Variants in FRAS1 observed in about 807,000 individuals in gnomAD.
FRAS1 encodes Fraser extracellular matrix complex subunit 1, also known as extracellular matrix organizing protein FRAS1.
In FRAS1, 290 loss-of-function variants were observed where a neutral mutation model predicts 435.2. That is an observed-to-expected ratio of 0.67 (90% CI 0.61 to 0.73). FRAS1 has a LOEUF of 0.73. FRAS1 is among the 30% of genes least tolerant of loss of function. FRAS1 has a pLI of 0.00. For missense variants in FRAS1, 4,860 were observed against 5,001.5 expected (o/e 0.97, Z 0.85); for synonymous variants, 1,800 against 1,851.0 (o/e 0.97, Z 0.71).
chr4:78,096,743 G>T lies in FRAS1; in HGVS notation c.108+30727G>T, dbSNP rs116481313. ...CAAATCCCTACACTCCACACAGCAA[G>T]TGGACCCTGGGCCTGGCCCACGAAA... On this transcript the variant is annotated intron_variant, in intron 2 of 73. Transcript: ENST00000512123. 5.7e-3 allele frequency among the ~76,000 whole-genome samples: 869 copies of T among 152,352 alleles called. 11 individuals carry two copies. The highest frequency in any genetic ancestry group is 0.02 in the African/African-American group (835 of 41,588).
chr4:78,202,352 G>A (rs930987677), intron 2 of FRAS1, among the ~76,000 whole-genome samples: 1 of 152,160 alleles, frequency 6.6e-6, no homozygotes, highest in African/African-American at 2.4e-5. Flanking sequence ...ACCTGGATTT[G>A]CATAAGCATC....
intron 8 of FRAS1, 150 bp from the exon 9 acceptor site, chr4:78,267,091 G>T: frequency 1.1e-6 from 1 of 913,686 alleles, no homozygotes; most frequent in Non-Finnish European, 1.7e-6. Flanking sequence ...TAGGAAGAAG[G>T]GTTGAGGTGC....
intron 2 of FRAS1, among the ~76,000 whole-genome samples, chr4:78,085,091 G>C (rs1741081259): frequency 6.6e-6 from 1 of 152,014 alleles, no homozygotes; most frequent in Admixed American, 6.6e-5. Flanking sequence ...AAAAATTTTG[G>C]GGAGTATTCT....
intron 47 of FRAS1, among the ~76,000 whole-genome samples, chr4:78,454,266 A>G (rs1157994105): frequency 6.6e-6 from 1 of 152,094 alleles, no homozygotes; most frequent in Non-Finnish European, 1.5e-5. Context: ...TTCAAGACGC[A>G]GCAAGGAGAC....
intron 2 of FRAS1, among the ~76,000 whole-genome samples, chr4:78,096,242 G>T (rs1347703713): frequency 6.6e-6 from 1 of 152,206 alleles, no homozygotes; most frequent in Non-Finnish European, 1.5e-5. Context: ...TGCAAGAGGG[G>T]GGTTCCCATG....
chr4:78,224,644 C>G (rs1463129374), intron 2 of FRAS1, among the ~76,000 whole-genome samples: 2 of 152,058 alleles, frequency 1.3e-5, no homozygotes, highest in African/African-American at 2.4e-5. Context: ...GCAATCCCCC[C>G]ACCTCAGCTT....
Position 78,173,257 on chromosome 4 carries a change from C to T in FRAS1, c.109-64253C>T, listed in dbSNP as rs923845366. 9.8e-5 allele frequency among the ~76,000 whole-genome samples: 15 copies of T among 152,316 alleles called. No homozygotes were observed. In the South Asian group the frequency reaches 2.5e-3, roughly 25 times the overall value. ...GGAGGTGGCTCATCTCTCTCTTGAG[C>T]GCAAGCCAGTTCCCAGCAGATACCT... On this transcript the variant is annotated intron_variant, in intron 2 of 73. Transcript: ENST00000512123.
intron 35 of FRAS1, among the ~76,000 whole-genome samples, chr4:78,427,913 G>A (rs1373379530): frequency 6.6e-6 from 1 of 152,232 alleles, no homozygotes; most frequent in Non-Finnish European, 1.5e-5. Context: ...AGTAAGTCCA[G>A]AAGAAAGTGA....
rs1402804300 is a variant in FRAS1, at chr4:78,441,256, G to T, written c.5624G>T (p.Ser1875Ile). Residue 1875 changes from serine to isoleucine, a missense_variant, in exon 41 of 74, where the codon AGT becomes ATT. Physicochemically the swap from Ser to Ile is moderately radical, Grantham distance 142. Transcript: ENST00000512123. ...NLQRDAIIKL[S>I]ALPKYGCIEN... is the part of the protein sequence containing the mutation. ...CAGAGAGATGCCATCATTAAACTAA[G>T]TGCTCTGCCCAAATATGGCTGCATT... 1.2e-6 allele frequency: 2 copies of T among 1,613,496 alleles called. No individual in the cohort carries two copies. The highest frequency in any genetic ancestry group is 1.7e-6 in the Non-Finnish European group (2 of 1,179,684).
At chr4:78,500,225 G>T (rs945309655) in intron 61 of FRAS1, among the ~76,000 whole-genome samples, 2 of 152,088 alleles carry the variant, frequency 1.3e-5, no homozygotes, top group South Asian at 2.1e-4. Context: ...AAATACACAC[G>T]TAACTGGCAC....
At chr4:78,529,832 G>C (rs1456443640) in intron 70 of FRAS1, among the ~76,000 whole-genome samples, 2 of 152,040 alleles carry the variant, frequency 1.3e-5, no homozygotes, top group Non-Finnish European at 2.9e-5. Flanking sequence ...TAGTAAAAAT[G>C]GTATATGATT....
At chr4:78,308,230 CTG>C in intron 15 of FRAS1, 21 bp downstream of exon 15, 1 of 1,605,008 alleles carries the variant, frequency 6.2e-7, no homozygotes, top group Non-Finnish European at 8.5e-7. Flanking sequence ...GGTTGCGATG[CTG>C]ACGTGTCCTT....
intron 14 of FRAS1, among the ~76,000 whole-genome samples, chr4:78,302,460 A>C (rs1185516278): frequency 6.6e-6 from 1 of 152,020 alleles, no homozygotes; most frequent in Non-Finnish European, 1.5e-5. Flanking sequence ...GAACTAGTTT[A>C]CAGTCCCACC....
intron 18 of FRAS1, among the ~76,000 whole-genome samples, chr4:78,326,320 T>C (rs978176523): frequency 2.6e-5 from 4 of 152,142 alleles, no homozygotes; most frequent in African/African-American, 9.7e-5. Context: ...CAACAGAGCT[T>C]AAATGGGTTG....
At chr4:78,270,555 G>GCCACCACCA (rs1425697992) in intron 9 of FRAS1, among the ~76,000 whole-genome samples, 1 of 55,628 alleles carries the variant, frequency 1.8e-5, no homozygotes, top group African/African-American at 6.8e-5. Context: ...CCGCCCCCCC[G>GCCACCACCA]CCACCACCAC....
intron 2 of FRAS1, among the ~76,000 whole-genome samples, chr4:78,127,003 C>T (rs1719397075): frequency 6.6e-6 from 1 of 152,130 alleles, no homozygotes; most frequent in African/African-American, 2.4e-5. Context: ...CTAGTATGTG[C>T]CCAGCTTTGT....
At chr4:78,356,167 T>C (rs756977578) in intron 20 of FRAS1, among the ~76,000 whole-genome samples, 2 of 152,156 alleles carry the variant, frequency 1.3e-5, no homozygotes, top group Admixed American at 6.5e-5. Context: ...TCTGTCTCTT[T>C]ATTATCTCCA....
At chr4:78,303,482 A>G (rs1240488909) in intron 14 of FRAS1, among the ~76,000 whole-genome samples, 6 of 152,092 alleles carry the variant, frequency 3.9e-5, no homozygotes, top group Non-Finnish European at 7.4e-5. Context: ...GATTCTTCCT[A>G]CCCATGAGCA....
Position 78,252,462 on chromosome 4 carries a change from C to A in FRAS1, c.380C>A (p.Pro127His), listed in dbSNP as rs147709711. Reference protein sequence around the residue: ...SCNHGEVRCTPQPCPPLSCGH... With the variant: ...SCNHGEVRCTHQPCPPLSCGH... ...AATCATGGGGAAGTCCGATGTACCC[C>A]CCAACCATGCCCACCGCTGTCATGT... The change falls in exon 5 of 74, where the codon CCC becomes CAC. Residue 127 changes from proline to histidine, a missense_variant. Physicochemically the swap from Pro to His is moderately conservative, Grantham distance 77 (BLOSUM62 -2). Transcript: ENST00000512123. 6.2e-7 allele frequency: 1 copy of A among 1,613,732 alleles called. No homozygotes were observed. Among genetic ancestry groups the A allele is most frequent in the South Asian group, 1.1e-5 (1 of 91,068 alleles).
Sources: gnomAD v4.1 joint callset for allele counts (sites outside exome capture counted in the v4.1 genomes callset) on GRCh38, gnomAD v4.1.1 for gene constraint, MANE v1.5 for transcripts, NCBI Gene and HGNC (gene_info 2026-07-23, HGNC 2026-07-21) for gene names.